The following SLC9A9 variants were observed in gnomAD, a reference collection of about 807,000 sequenced individuals.
SLC9A9 encodes solute carrier family 9 member A9.
A neutral mutation model predicts 77.8 loss-of-function variants in SLC9A9; 62 were observed. The ratio of observed to expected loss-of-function variants is 0.80; its 90% confidence interval spans 0.65 to 0.98. The LOEUF is 0.98. Among genes scored for constraint, SLC9A9 ranks in the 50% least tolerant of loss-of-function variants. The pLI, the probability that SLC9A9 is intolerant of heterozygous loss-of-function variation, is 0.00. For missense variants in SLC9A9, 775 were observed against 774.9 expected (o/e 1.00, Z 0.00); for synonymous variants, 320 against 283.5 (o/e 1.13, Z -1.29).
intron 4 of SLC9A9, among the ~76,000 whole-genome samples, chr3:143,749,467 G>A (rs1002935564): frequency 6.6e-6 from 1 of 152,118 alleles, no homozygotes; most frequent in African/African-American, 2.4e-5. Flanking sequence ...AAATTCCCTC[G>A]CTCCCACTCA....
intron 14 of SLC9A9, among the ~76,000 whole-genome samples, chr3:143,305,349 C>A (rs1353009667): frequency 6.6e-6 from 1 of 152,162 alleles, no homozygotes; most frequent in Admixed American, 6.5e-5. Flanking sequence ...TTGATGTTCG[C>A]TACCACATTC....
chr3:143,561,567 G>A (rs1016724119), intron 8 of SLC9A9, among the ~76,000 whole-genome samples: 1 of 152,138 alleles, frequency 6.6e-6, no homozygotes, highest in Admixed American at 6.5e-5. Flanking sequence ...CTTGGGCCTC[G>A]ATGCTTCCCA....
At chr3:143,380,448 C>A (rs1372784631) in intron 13 of SLC9A9, among the ~76,000 whole-genome samples, 1 of 79,346 alleles carries the variant, frequency 1.3e-5, no homozygotes, top group Non-Finnish European at 2.4e-5. Flanking sequence ...ACAAGAAGGA[C>A]AAAATTTAGA....
At chr3:143,383,505 T>G (rs2033350697) in intron 12 of SLC9A9, among the ~76,000 whole-genome samples, 1 of 152,232 alleles carries the variant, frequency 6.6e-6, no homozygotes, top group Non-Finnish European at 1.5e-5. Context: ...AAACAGCAGT[T>G]GAACCCAACT....
intron 8 of SLC9A9, among the ~76,000 whole-genome samples, chr3:143,559,207 A>G (rs2108644901): frequency 6.6e-6 from 1 of 152,276 alleles, no homozygotes; most frequent in South Asian, 2.1e-4. Flanking sequence ...GTATTTCTTC[A>G]TAGCAGTGTG....
intron 14 of SLC9A9, among the ~76,000 whole-genome samples, chr3:143,289,632 T>C (rs1938481046): frequency 1.3e-5 from 2 of 152,270 alleles, no homozygotes; most frequent in South Asian, 4.2e-4. Flanking sequence ...ATAAGTTCTG[T>C]CTACTCCACC....
intron 6 of SLC9A9, among the ~76,000 whole-genome samples, chr3:143,619,134 G>A (rs1310681769): frequency 6.6e-6 from 1 of 152,210 alleles, no homozygotes; most frequent in Non-Finnish European, 1.5e-5. Context: ...ATATTGTAGA[G>A]AGATGTTGAA....
intron 4 of SLC9A9, among the ~76,000 whole-genome samples, chr3:143,746,284 A>T (rs931898079): frequency 2.0e-5 from 3 of 152,196 alleles, no homozygotes; most frequent in Non-Finnish European, 2.9e-5. Context: ...TGGGGAGGAA[A>T]GGCCGGCAGT....
chr3:143,359,773 G>C (rs1384637870), intron 14 of SLC9A9, among the ~76,000 whole-genome samples: 1 of 152,138 alleles, frequency 6.6e-6, no homozygotes, highest in Non-Finnish European at 1.5e-5. Context: ...GCTACAGTGA[G>C]TCCACCTCCT....
rs367588081 is a variant in SLC9A9, at chr3:143,316,856, G to A, written c.1604+46628C>T. 2.3e-4 allele frequency among the ~76,000 whole-genome samples: 35 copies of A among 152,264 alleles called. No homozygotes were observed. In the South Asian group the frequency reaches 5.2e-3, roughly 23 times the overall value. On this transcript the variant is annotated intron_variant, in intron 14 of 15. Transcript: ENST00000316549. ...CATTTGATTCTGTCAACAAGCCACC[G>A]AGGAAGGAGCTATTATTTCCATTTC...
chr3:143,512,042 C>G (rs1181455723), intron 9 of SLC9A9, among the ~76,000 whole-genome samples: 1 of 152,194 alleles, frequency 6.6e-6, no homozygotes, highest in African/African-American at 2.4e-5. Context: ...AGCCCAAAAA[C>G]TTGTCTGTAA....
At chr3:143,395,802 A>G (rs2108508637) in intron 12 of SLC9A9, among the ~76,000 whole-genome samples, 1 of 152,370 alleles carries the variant, frequency 6.6e-6, no homozygotes, top group South Asian at 2.1e-4. Flanking sequence ...ATGAACAGAC[A>G]CTTCTCAAAA....
intron 14 of SLC9A9, among the ~76,000 whole-genome samples, chr3:143,296,571 T>C (rs1007927325): frequency 3.9e-5 from 6 of 152,246 alleles, no homozygotes; most frequent in Admixed American, 1.3e-4. Flanking sequence ...CTTTTGGGTA[T>C]ATACCCAGAA....
intron 4 of SLC9A9, among the ~76,000 whole-genome samples, chr3:143,792,929 A>G (rs1462555352): frequency 6.6e-6 from 1 of 152,122 alleles, no homozygotes; most frequent in Non-Finnish European, 1.5e-5. Flanking sequence ...TCAAGCTAAA[A>G]CATTTCAATG....
rs79146698 is a variant in SLC9A9, at chr3:143,571,651, A to G, written c.1000+2437T>C. On this transcript the variant is annotated intron_variant, in intron 8 of 15. Coordinates refer to ENST00000316549, the MANE Select transcript of SLC9A9 (RefSeq NM_173653.4). ...ACTTAAAAAAAAATAATGCTGTATT[A>G]TTCCTGTATAACTCATCATGTTCCC... Among the ~76,000 whole-genome samples, 89 of 152,212 alleles carry G rather than the reference A, an allele frequency of 5.8e-4. 2 individuals carry two copies. The East Asian group carries it at 0.017, about 29-fold the overall frequency.
intron 12 of SLC9A9, among the ~76,000 whole-genome samples, chr3:143,392,080 A>G (rs2033583433): frequency 6.6e-6 from 1 of 152,214 alleles, no homozygotes; most frequent in African/African-American, 2.4e-5. Flanking sequence ...GCCAATATTC[A>G]AATTCAGGAA....
intron 6 of SLC9A9, among the ~76,000 whole-genome samples, chr3:143,624,823 T>A (rs372543849): frequency 6.6e-6 from 1 of 152,164 alleles, no homozygotes; most frequent in South Asian, 2.1e-4. Flanking sequence ...GAAATCAAAT[T>A]GTCCCTGTTT....
chr3:143,665,124 T>C (rs1326267774), intron 5 of SLC9A9, among the ~76,000 whole-genome samples: 1 of 152,212 alleles, frequency 6.6e-6, no homozygotes, highest in Admixed American at 6.5e-5. Context: ...ACAGAAATTA[T>C]AACAAACTGT....
intron 4 of SLC9A9, among the ~76,000 whole-genome samples, chr3:143,748,303 G>A (rs1935246776): frequency 6.6e-6 from 1 of 152,126 alleles, no homozygotes; most frequent in Admixed American, 6.5e-5. Context: ...TCTGGGCTCA[G>A]CCAAGCCAGC....
Sources: allele counts gnomAD v4.1 joint callset (sites outside exome capture counted in the v4.1 genomes callset), GRCh38; gene constraint gnomAD v4.1.1; transcripts MANE v1.5; gene names NCBI Gene and HGNC (gene_info 2026-07-23, HGNC 2026-07-21).